The following SPOCK3 variants were observed in gnomAD, a reference collection of about 807,000 sequenced individuals.
SPOCK3 encodes testican-3.
Under a neutral mutation model 56.6 loss-of-function variants are expected in SPOCK3, and 30 were observed. The ratio of observed to expected loss-of-function variants is 0.53; its 90% CI spans 0.40 to 0.72. The LOEUF (loss-of-function observed/expected upper bound fraction) is 0.72, where lower values mean the gene tolerates loss of function less well. SPOCK3 is among the 30% of genes least tolerant of loss of function. The probability of loss-of-function intolerance (pLI) is 0.00; values close to 1 mark genes in which losing one functional copy is unlikely to be tolerated. For synonymous variants in SPOCK3, 196 were observed against 183.3 expected (o/e 1.07, Z -0.56); for missense variants, 527 against 530.0 (o/e 0.99, Z 0.06).
At chr4:167,039,655 C>G (rs1302791615) in intron 3 of SPOCK3, among the ~76,000 whole-genome samples, 1 of 123,468 alleles carries the variant, frequency 8.1e-6, no homozygotes, top group Non-Finnish European at 1.7e-5. Context: ...TATGCATTGG[C>G]TCCTACCTCC....
Position 166,958,752 on chromosome 4 carries a change from C to T in SPOCK3, c.350+41597G>A, listed in dbSNP as rs531442878. 6.6e-5 allele frequency among the ~76,000 whole-genome samples: 10 copies of T among 152,212 alleles called. No homozygotes were observed. The South Asian group carries it at 1.2e-3, about 19-fold the overall frequency. On this transcript the variant is annotated intron_variant, in intron 4 of 10. Coordinates refer to ENST00000357545, the MANE Select transcript of SPOCK3 (RefSeq NM_001040159.2). ...TTTAAGTTGAAATTTCTTTATTTTG[C>T]TATTGTCTGTCTCCTTCTACTAGAA...
At chr4:166,925,609 A>G (rs1192304796) in intron 4 of SPOCK3, among the ~76,000 whole-genome samples, 1 of 152,172 alleles carries the variant, frequency 6.6e-6, no homozygotes, top group Non-Finnish European at 1.5e-5. Context: ...AAAAAATGAA[A>G]TAATAGAAAA....
At chr4:167,138,752 A>C (rs952123624) in intron 2 of SPOCK3, among the ~76,000 whole-genome samples, 2 of 151,924 alleles carry the variant, frequency 1.3e-5, no homozygotes, top group African/African-American at 4.8e-5. Context: ...ATACCCTAAA[A>C]AATGTCATTG....
chr4:166,893,456 T>C (rs550982166), intron 5 of SPOCK3, among the ~76,000 whole-genome samples: 3 of 152,268 alleles, frequency 2.0e-5, no homozygotes, highest in African/African-American at 7.2e-5. Flanking sequence ...CTACTTTCAC[T>C]GAGGCACTAC....
intron 3 of SPOCK3, among the ~76,000 whole-genome samples, chr4:167,009,046 ATTAC>A (rs1749754317): frequency 6.6e-6 from 1 of 152,212 alleles, no homozygotes; most frequent in East Asian, 1.9e-4. Flanking sequence ...AAGGTCTTCA[ATTAC>A]TTTTTCTTTT....
Position 167,154,215 on chromosome 4 carries a change from C to T in SPOCK3, c.189+79770G>A, listed in dbSNP as rs973912204. On this transcript the variant is annotated intron_variant, in intron 2 of 10. Coordinates refer to ENST00000357545, the MANE Select transcript of SPOCK3 (RefSeq NM_001040159.2). The stretch of plus-strand genomic sequence containing the variant: ...TCACACACACATACACACACATGCA[C>T]GCGTGCACACACACACACAATGTTT... Among the ~76,000 whole-genome samples the T allele has an allele frequency of 1.8e-4, 27 of 152,114 alleles. No individual in the cohort carries two copies. The Middle Eastern group carries it at 0.01, about 57-fold the overall frequency.
intron 6 of SPOCK3, among the ~76,000 whole-genome samples, chr4:166,847,213 G>T (rs774734893): frequency 6.6e-6 from 1 of 152,052 alleles, no homozygotes; most frequent in Non-Finnish European, 1.5e-5. Context: ...TTCAAGCTAA[G>T]TGCTTTTCAT....
chr4:167,227,304 A>T (rs1189134681), intron 2 of SPOCK3, among the ~76,000 whole-genome samples: 1 of 152,150 alleles, frequency 6.6e-6, no homozygotes, highest in African/African-American at 2.4e-5. Flanking sequence ...TTATAACTTT[A>T]TATTTTATAA....
intron 3 of SPOCK3, among the ~76,000 whole-genome samples, chr4:167,040,558 T>C (rs908513779): frequency 2.6e-5 from 4 of 152,190 alleles, no homozygotes; most frequent in African/African-American, 9.7e-5. Flanking sequence ...ATGGTAACAA[T>C]GTGCTTCAAA....
chr4:167,052,985 C>T (rs1754379973), intron 3 of SPOCK3, among the ~76,000 whole-genome samples: 1 of 152,136 alleles, frequency 6.6e-6, no homozygotes, highest in Non-Finnish European at 1.5e-5. Context: ...GCTCTGTTCA[C>T]TGAAGGGAAT....
chr4:166,969,030 C>T (rs534088265), intron 4 of SPOCK3, among the ~76,000 whole-genome samples: 33 of 152,328 alleles, frequency 2.2e-4, no homozygotes, highest in African/African-American at 7.0e-4. Context: ...TTAATGACTG[C>T]CCTGCTGCAT....
intron 2 of SPOCK3, among the ~76,000 whole-genome samples, chr4:167,089,155 G>C (rs1167761643): frequency 6.6e-6 from 1 of 151,886 alleles, no homozygotes; most frequent in Non-Finnish European, 1.5e-5. Context: ...ATATGTGTGT[G>C]TACATATATA....
chr4:166,768,074 A>ATG (rs1398039001), intron 7 of SPOCK3, among the ~76,000 whole-genome samples: 1 of 151,420 alleles, frequency 6.6e-6, no homozygotes, highest in African/African-American at 2.4e-5. Context: ...TTTTGAGCCT[A>ATG]TGTGTGTCTC....
At chr4:166,795,419 G>T (rs1019059997) in intron 6 of SPOCK3, among the ~76,000 whole-genome samples, 2 of 152,068 alleles carry the variant, frequency 1.3e-5, no homozygotes, top group East Asian at 1.9e-4. Context: ...ACTTCCATAA[G>T]CCCAGGACAT....
chr4:167,022,113 C>G (rs1751245100), intron 3 of SPOCK3, among the ~76,000 whole-genome samples: 1 of 151,820 alleles, frequency 6.6e-6, no homozygotes, highest in African/African-American at 2.4e-5. Context: ...ATGTGCTGTT[C>G]CCATCTAGTA....
chr4:166,740,433 A>G (rs7678726), intron 9 of SPOCK3, among the ~76,000 whole-genome samples: 68,714 of 150,542 alleles, frequency 0.46, 16,213 homozygotes, highest in African/African-American at 0.5. Context: ...TTGAATTTCA[A>G]TGGCTTTCTT....
At position 166,741,985 on chromosome 4, in the gene SPOCK3, T is replaced by G. The variant is rs781419114; in HGVS notation, c.994+12A>C. 6.3e-7 allele frequency: 1 copy of G among 1,596,776 alleles called. No individual in the cohort carries two copies. The highest frequency in any genetic ancestry group is 8.6e-7 in the Non-Finnish European group (1 of 1,164,942). ...AGCAATAAAGCCTTCAGAAGAATGA[T>G]CTATTACTCACCTAGGAGCTTCTTT... On this transcript the variant is annotated intron_variant, in intron 9 of 10. Transcript: ENST00000357545.
chr4:167,234,225 G>C (rs1319513904), intron 1 of SPOCK3, 52 bp from the exon 2 acceptor site: 2 of 1,586,916 alleles, frequency 1.3e-6, no homozygotes, highest in Middle Eastern at 1.8e-4. Context: ...TGTCAAATAA[G>C]GGGTACGAAG....
chr4:166,844,153 G>T (rs932458494), intron 6 of SPOCK3, among the ~76,000 whole-genome samples: 6 of 152,188 alleles, frequency 3.9e-5, no homozygotes, highest in African/African-American at 1.4e-4. Flanking sequence ...GATGTCTTGT[G>T]TTTCTTTGGG....
Sources: gnomAD v4.1 joint callset for allele counts (sites outside exome capture counted in the v4.1 genomes callset) on GRCh38, gnomAD v4.1.1 for gene constraint, MANE v1.5 for transcripts, NCBI Gene and HGNC (gene_info 2026-07-23, HGNC 2026-07-21) for gene names.